The following RBFOX1 variants were observed in gnomAD, a reference collection of about 807,000 sequenced individuals.
RBFOX1 encodes RNA binding protein fox-1 homolog 1.
A neutral mutation model predicts 57.7 loss-of-function variants in RBFOX1; 8 were observed. The ratio of observed to expected loss-of-function variants is 0.14; its 90% CI spans 0.08 to 0.25. The LOEUF (loss-of-function observed/expected upper bound fraction) is 0.25, where lower values mean the gene tolerates loss of function less well. Ranked by LOEUF, RBFOX1 falls within the 10% of genes least tolerant of loss-of-function variation. RBFOX1 has a pLI of 1.00. For missense variants in RBFOX1, 611 were observed against 548.5 expected (o/e 1.11, Z -1.14); for synonymous variants, 326 against 222.4 (o/e 1.47, Z -4.15).
intron 4 of RBFOX1, among the ~76,000 whole-genome samples, chr16:7,399,557 CTT>C (rs2098202818): frequency 1.3e-5 from 2 of 152,208 alleles, no homozygotes; most frequent in Non-Finnish European, 2.9e-5. Context: ...CCCTGGCTCT[CTT>C]TTAGCCTCTG....
intron 1 of RBFOX1, among the ~76,000 whole-genome samples, chr16:5,267,303 T>G (rs866847965): frequency 2.7e-5 from 2 of 73,228 alleles, no homozygotes; most frequent in African/African-American, 1.7e-4. Context: ...AAGGGTTTTT[T>G]TTTCTTTTTC....
At chr16:6,899,367 T>G (rs1289200790) in intron 3 of RBFOX1, among the ~76,000 whole-genome samples, 1 of 152,210 alleles carries the variant, frequency 6.6e-6, no homozygotes, top group Non-Finnish European at 1.5e-5. Flanking sequence ...ATTTTCTTCT[T>G]CCCTAGGCAT....
chr16:5,577,176 A>T (rs2151146488), intron 2 of RBFOX1, among the ~76,000 whole-genome samples: 1 of 152,302 alleles, frequency 6.6e-6, no homozygotes, highest in South Asian at 2.1e-4. Context: ...CATTTCCCCA[A>T]ATTAATACAA....
chr16:5,595,095 A>G (rs2151192985), intron 2 of RBFOX1, among the ~76,000 whole-genome samples: 1 of 152,134 alleles, frequency 6.6e-6, no homozygotes, highest in East Asian at 1.9e-4. Context: ...GTGGTGAGTC[A>G]AGATCCTGCC....
intron 3 of RBFOX1, among the ~76,000 whole-genome samples, chr16:6,718,508 A>G (rs1244252561): frequency 6.6e-6 from 1 of 152,218 alleles, no homozygotes; most frequent in Non-Finnish European, 1.5e-5. Flanking sequence ...AATTAGTTCC[A>G]AAGTGAAACC....
intron 14 of RBFOX1, among the ~76,000 whole-genome samples, chr16:7,698,344 G>T (rs548444931): frequency 1.3e-5 from 2 of 152,098 alleles, no homozygotes; most frequent in African/African-American, 4.8e-5. Context: ...TGATGAGTAT[G>T]GGACACAACC....
intron 14 of RBFOX1, among the ~76,000 whole-genome samples, chr16:7,684,484 A>G (rs1185904050): frequency 6.6e-6 from 1 of 152,090 alleles, no homozygotes; most frequent in East Asian, 1.9e-4. Flanking sequence ...GAAAGCTGAA[A>G]CATAATCAAA....
chr16:6,183,119 C>A (rs1167355089), intron 1 of RBFOX1, among the ~76,000 whole-genome samples: 5 of 151,992 alleles, frequency 3.3e-5, no homozygotes, highest in Non-Finnish European at 7.4e-5. Context: ...TATTGGGTGT[C>A]AGGTGGCATG....
intron 3 of RBFOX1, among the ~76,000 whole-genome samples, chr16:6,929,707 AT>A (rs56797994): frequency 0.068 from 10,390 of 151,976 alleles, 1,107 homozygotes; most frequent in African/African-American, 0.23. Flanking sequence ...CTACGGGGTT[AT>A]TTTTTTTAAC....
chr16:6,207,668 G>T (rs1425445694), intron 1 of RBFOX1, among the ~76,000 whole-genome samples: 1 of 152,046 alleles, frequency 6.6e-6, no homozygotes, highest in Non-Finnish European at 1.5e-5. Context: ...TTGTAGAAAG[G>T]TGACAGTAGA....
intron 3 of RBFOX1, among the ~76,000 whole-genome samples, chr16:7,037,727 G>T (rs578177224): frequency 6.6e-6 from 1 of 152,180 alleles, no homozygotes; most frequent in Non-Finnish European, 1.5e-5. Context: ...CAAGGAATTT[G>T]TTCAAGGTCT....
chr16:5,601,216 C>G (rs2047353352), downstream of RBFOX1: 1 of 152,344 alleles, frequency 6.6e-6, no homozygotes. Flanking sequence ...GGTGGTCTGG[C>G]TCAGGGTCCC....
At chr16:6,360,974 T>C (rs986062168) in intron 2 of RBFOX1, among the ~76,000 whole-genome samples, 4 of 149,712 alleles carry the variant, frequency 2.7e-5, no homozygotes, top group Non-Finnish European at 5.9e-5. Flanking sequence ...TTTTATTTTA[T>C]TTATTTTTAG....
At chr16:7,581,591 C>G (rs933082806) in intron 6 of RBFOX1, among the ~76,000 whole-genome samples, 1 of 152,088 alleles carries the variant, frequency 6.6e-6, no homozygotes, top group Non-Finnish European at 1.5e-5. Flanking sequence ...AAAATATTCA[C>G]AGGAATCAGA....
At chr16:6,078,931 C>T (rs1054644823) in intron 1 of RBFOX1, among the ~76,000 whole-genome samples, 2 of 152,286 alleles carry the variant, frequency 1.3e-5, no homozygotes, top group South Asian at 4.1e-4. Context: ...TCACAGCATC[C>T]CAGTTCATGA....
At chr16:6,822,786 A>T (rs1567411994) in intron 3 of RBFOX1, among the ~76,000 whole-genome samples, 1 of 152,212 alleles carries the variant, frequency 6.6e-6, no homozygotes, top group Admixed American at 6.5e-5. Flanking sequence ...AAGCGCGAGT[A>T]TGGTCTGACT....
At chr16:6,513,277 A>G (rs927059952) in intron 2 of RBFOX1, among the ~76,000 whole-genome samples, 4 of 152,220 alleles carry the variant, frequency 2.6e-5, no homozygotes, top group Admixed American at 2.0e-4. Context: ...CACGTAGCAA[A>G]TGCCTGGCAA....
chr16:5,455,155 G>C (rs2068592112), intron 1 of RBFOX1, among the ~76,000 whole-genome samples: 2 of 151,340 alleles, frequency 1.3e-5, no homozygotes, highest in Admixed American at 1.3e-4. Flanking sequence ...AGAATGACTT[G>C]ACTCTACTCC....
Position 7,127,730 on chromosome 16 carries a change from C to A in RBFOX1, c.27+75632C>A, listed in dbSNP as rs77990559. ...ACTTTGGGTTGTATATGCTTCAAAA[C>A]GAGCTTTTATCTTCTGCATTCTTCC... is the stretch of plus-strand genomic sequence containing the variant. On this transcript the variant is annotated intron_variant, in intron 4 of 15. Transcript: ENST00000550418. 5.0e-4 allele frequency among the ~76,000 whole-genome samples: 76 copies of A among 152,268 alleles called. 2 individuals are homozygous for A. In the East Asian group the frequency reaches 0.012, roughly 24 times the overall value.
Sources: allele counts gnomAD v4.1 joint callset (sites outside exome capture counted in the v4.1 genomes callset), GRCh38; gene constraint gnomAD v4.1.1; transcripts MANE v1.5; gene names NCBI Gene and HGNC (gene_info 2026-07-23, HGNC 2026-07-21).